Variants in ASTN2 observed in about 807,000 individuals in gnomAD.
The protein encoded by ASTN2 is astrotactin 2, also known as astrotactin-2.
Under a neutral mutation model 139.8 loss-of-function variants are expected in ASTN2, and 54 were observed. The observed-to-expected ratio is 0.39, with a 90% CI of 0.31 to 0.48. The LOEUF (loss-of-function observed/expected upper bound fraction) is 0.48. ASTN2 is among the 20% of genes least tolerant of loss of function. The probability of loss-of-function intolerance (pLI) is 0.95; values close to 1 mark genes in which losing one functional copy is unlikely to be tolerated. For synonymous variants in ASTN2, 756 were observed against 719.5 expected, an observed-to-expected ratio of 1.05 and a Z score of -0.81; for missense variants, 1,565 against 1,725.1, an observed-to-expected ratio of 0.91 and a Z score of 1.64.
chr9:116,711,284 A>C (rs1220844436), intron 16 of ASTN2, among the ~76,000 whole-genome samples: 1 of 152,164 alleles, frequency 6.6e-6, no homozygotes, highest in South Asian at 2.1e-4. Context: ...GCCCCATAAC[A>C]TTTTACACAA....
intron 19 of ASTN2, among the ~76,000 whole-genome samples, chr9:116,564,060 T>C (rs1168572921): frequency 6.6e-6 from 1 of 152,232 alleles, no homozygotes; most frequent in Non-Finnish European, 1.5e-5. Flanking sequence ...TGATATTTTG[T>C]CTATTTTACA....
Position 116,935,856 on chromosome 9 carries a change from C to G in ASTN2, c.1889+39352G>C, listed in dbSNP as rs1353957267. On this transcript the variant is annotated intron_variant, in intron 10 of 22. Transcript: ENST00000313400. Reference sequence around the variant, plus strand: ...TTTCAGGCACCGTTATCACACTTTACCATCTCAGCCCACTAAATTTAATCT... The same window carrying G: ...TTTCAGGCACCGTTATCACACTTTAGCATCTCAGCCCACTAAATTTAATCT... Among the ~76,000 whole-genome samples the G allele has an allele frequency of 5.3e-5, 8 of 152,228 alleles. No individual in the cohort carries two copies. In the East Asian group the frequency reaches 1.6e-3, roughly 30 times the overall value.
At chr9:117,147,464 C>CA (rs58379572) in intron 3 of ASTN2, among the ~76,000 whole-genome samples, 76,158 of 145,786 alleles carry the variant, frequency 0.52, 20,308 homozygotes, top group East Asian at 0.76. Flanking sequence ...CACACACACA[C>CA]CCCCGTTATC....
chr9:116,495,440 A>G (rs956533676), intron 19 of ASTN2, among the ~76,000 whole-genome samples: 21 of 152,160 alleles, frequency 1.4e-4, no homozygotes, highest in African/African-American at 4.6e-4. Flanking sequence ...AGGCTTAATC[A>G]ATCAGACTAA....
At chr9:117,071,955 A>C (rs982208725) in intron 5 of ASTN2, among the ~76,000 whole-genome samples, 1 of 152,198 alleles carries the variant, frequency 6.6e-6, no homozygotes, top group Non-Finnish European at 1.5e-5. Flanking sequence ...ATGGAAATGC[A>C]GAAATCACCC....
At chr9:116,502,148 T>C (rs62575438) in intron 19 of ASTN2, among the ~76,000 whole-genome samples, 22,042 of 151,688 alleles carry the variant, frequency 0.15, 1,746 homozygotes, top group Middle Eastern at 0.2. Context: ...CAAATGTGTG[T>C]GTGTGTGTGT....
chr9:117,157,119 C>A (rs1467641900), intron 3 of ASTN2, among the ~76,000 whole-genome samples: 1 of 151,968 alleles, frequency 6.6e-6, no homozygotes, highest in Admixed American at 6.6e-5. Flanking sequence ...AGCAAATTGG[C>A]AAGTTTCCAC....
intron 19 of ASTN2, among the ~76,000 whole-genome samples, chr9:116,606,499 C>T (rs959625293): frequency 1.5e-4 from 23 of 152,086 alleles, no homozygotes; most frequent in African/African-American, 5.1e-4. Flanking sequence ...CGCATGAGCT[C>T]GTGGATAAAT....
chr9:116,761,636 T>A (rs1829674662), intron 13 of ASTN2, among the ~76,000 whole-genome samples: 1 of 151,950 alleles, frequency 6.6e-6, no homozygotes, highest in Admixed American at 6.6e-5. Flanking sequence ...AGCAGCTCTG[T>A]AGAAATGGGT....
At chr9:116,550,461 T>C (rs566079681) in intron 19 of ASTN2, among the ~76,000 whole-genome samples, 11 of 152,158 alleles carry the variant, frequency 7.2e-5, no homozygotes, top group African/African-American at 2.2e-4. Flanking sequence ...GGATTCCCTA[T>C]GGGATCCTGT....
At chr9:117,194,773 T>C (rs955721228) in intron 3 of ASTN2, among the ~76,000 whole-genome samples, 3 of 152,212 alleles carry the variant, frequency 2.0e-5, no homozygotes, top group Non-Finnish European at 4.4e-5. Flanking sequence ...TTATTTGTAG[T>C]TGTATAAATT....
chr9:116,674,121 T>A (rs1292045471), intron 16 of ASTN2, among the ~76,000 whole-genome samples: 2 of 152,118 alleles, frequency 1.3e-5, no homozygotes, highest in Non-Finnish European at 2.9e-5. Flanking sequence ...GAAATTATGG[T>A]TTAGGAGTCA....
At chr9:116,723,087 C>G (rs1471541946) in intron 16 of ASTN2, among the ~76,000 whole-genome samples, 1 of 152,014 alleles carries the variant, frequency 6.6e-6, no homozygotes, top group Non-Finnish European at 1.5e-5. Flanking sequence ...ATGGCGTGAA[C>G]CCGGAAAGCA....
At chr9:117,397,077 G>A (rs1260866372) in intron 1 of ASTN2, among the ~76,000 whole-genome samples, 1 of 151,712 alleles carries the variant, frequency 6.6e-6, no homozygotes, top group East Asian at 1.9e-4. Context: ...AAGTAGCTGG[G>A]ATTACAGGCA....
intron 10 of ASTN2, among the ~76,000 whole-genome samples, chr9:116,936,866 G>C (rs777488766): frequency 6.6e-6 from 1 of 152,154 alleles, no homozygotes; most frequent in South Asian, 2.1e-4. Flanking sequence ...GATGAGCAAA[G>C]GTAGGTGGCA....
At chr9:116,456,414 A>T (rs67932442) in intron 20 of ASTN2, among the ~76,000 whole-genome samples, 2 of 152,170 alleles carry the variant, frequency 1.3e-5, no homozygotes, top group African/African-American at 4.8e-5. Context: ...AAAAAAATCC[A>T]TATTACCCAA....
chr9:117,327,655 T>C (rs540133133), intron 1 of ASTN2, among the ~76,000 whole-genome samples: 11 of 151,852 alleles, frequency 7.2e-5, no homozygotes, highest in Admixed American at 6.5e-4. Flanking sequence ...CACCTGGCAG[T>C]ACATAAAGAA....
At chr9:117,310,762 C>T (rs1487705844) in intron 1 of ASTN2, among the ~76,000 whole-genome samples, 3 of 152,116 alleles carry the variant, frequency 2.0e-5, no homozygotes, top group African/African-American at 4.8e-5. Context: ...CACCTAAGGA[C>T]TACAAGCACG....
chr9:117,298,350 A>T (rs1353023224), intron 1 of ASTN2, among the ~76,000 whole-genome samples: 1 of 152,200 alleles, frequency 6.6e-6, no homozygotes, highest in Non-Finnish European at 1.5e-5. Context: ...GGAATATTGC[A>T]TGCTGCATAA....
Sources: gnomAD v4.1 joint callset for allele counts (sites outside exome capture counted in the v4.1 genomes callset) on GRCh38, gnomAD v4.1.1 for gene constraint, MANE v1.5 for transcripts, NCBI Gene and HGNC (gene_info 2026-07-23, HGNC 2026-07-21) for gene names.